The following PCM1 variants were observed in gnomAD, a reference collection of about 807,000 sequenced individuals.
The protein encoded by PCM1 is pericentriolar material 1 protein.
In PCM1, 157 loss-of-function variants were observed where a neutral mutation model predicts 241.9. The observed-to-expected ratio is 0.65, with a 90% CI of 0.57 to 0.74. PCM1 has a LOEUF of 0.74. Among genes scored for constraint, PCM1 ranks in the 30% least tolerant of loss-of-function variants. The probability of loss-of-function intolerance (pLI) is 0.00; values close to 1 mark genes in which losing one functional copy is unlikely to be tolerated. For synonymous variants in PCM1, 1,085 were observed against 784.9 expected, an observed-to-expected ratio of 1.38 and a Z score of -6.39; for missense variants, 3,478 against 2,360.1, an observed-to-expected ratio of 1.47 and a Z score of -9.81.
intron 28 of PCM1, 128 bp from the exon 29 acceptor site, chr8:17,993,355 A>T: frequency 1.7e-6 from 1 of 572,510 alleles, no homozygotes; most frequent in Non-Finnish European, 2.8e-6. Context: ...TTAAACTACA[A>T]ACATGTTTCT....
chr8:17,945,608 A>G (rs1414975309), intron 6 of PCM1, among the ~76,000 whole-genome samples: 1 of 152,168 alleles, frequency 6.6e-6, no homozygotes, highest in African/African-American at 2.4e-5. Context: ...TCACAGTGTA[A>G]AATATTACCA....
At chr8:18,007,300 C>T (rs2091598750) in intron 30 of PCM1, among the ~76,000 whole-genome samples, 1 of 151,958 alleles carries the variant, frequency 6.6e-6, no homozygotes, top group South Asian at 2.1e-4. Context: ...TTTTTTTAAA[C>T]CTTGGGCTTG....
chr8:18,011,543 TTC>T (rs1402597662), intron 33 of PCM1, 122 bp from the exon 34 acceptor site: 1 of 1,095,322 alleles, frequency 9.1e-7, no homozygotes, highest in Non-Finnish European at 1.3e-6. Flanking sequence ...TTTTAATACA[TTC>T]TGTTTGAGGA....
intron 2 of PCM1, chr8:17,928,099 A>G (rs2057710639): frequency 1.3e-5 from 2 of 152,186 alleles, no homozygotes; most frequent in African/African-American, 4.8e-5. Flanking sequence ...TAGTACTGTC[A>G]TCAATCACTT....
At chr8:17,929,485 T>C (rs1460129444) in intron 2 of PCM1, among the ~76,000 whole-genome samples, 1 of 152,354 alleles carries the variant, frequency 6.6e-6, no homozygotes, top group East Asian at 1.9e-4. Flanking sequence ...CGGACAATTT[T>C]ATTGGGTGTA....
chr8:17,949,875 A>G (rs558017216), intron 7 of PCM1, among the ~76,000 whole-genome samples: 19 of 152,356 alleles, frequency 1.2e-4, no homozygotes, highest in African/African-American at 4.3e-4. Context: ...AGTGACTATC[A>G]TGAAAATTGT....
At chr8:17,983,336 C>G in intron 24 of PCM1, 1 of 1,170,114 alleles carries the variant, frequency 8.5e-7, no homozygotes, top group Non-Finnish European at 1.1e-6. Context: ...TAATTTTTTC[C>G]CATTGGTCCT....
chr8:17,972,719 G>A (rs770207870), intron 23 of PCM1, 32 bp downstream of exon 23: 3 of 1,356,606 alleles, frequency 2.2e-6, no homozygotes, highest in East Asian at 2.5e-5. Flanking sequence ...ATGTTGATCA[G>A]TGTAAATTTT....
intron 15 of PCM1, among the ~76,000 whole-genome samples, chr8:17,960,775 C>T (rs757288827): frequency 2.5e-4 from 38 of 152,066 alleles, no homozygotes; most frequent in Non-Finnish European, 4.3e-4. Context: ...TCGCCCGTCT[C>T]AGCCTCCCAA....
chr8:17,956,448 C>G (rs755499949), intron 10 of PCM1, among the ~76,000 whole-genome samples, 156 bp from the exon 11 acceptor site: 2 of 152,150 alleles, frequency 1.3e-5, no homozygotes, highest in Non-Finnish European at 2.9e-5. Context: ...GCATTAACCT[C>G]ATTATTTTAC....
intron 1 of PCM1, 41 bp downstream of exon 1, chr8:17,923,229 G>C (rs2055203276): frequency 6.6e-6 from 1 of 152,518 alleles, no homozygotes; most frequent in Admixed American, 6.5e-5. Flanking sequence ...ACCTAGGGCG[G>C]CGCGCCCCAG....
chr8:17,958,282 C>G (rs1042932436), intron 13 of PCM1, among the ~76,000 whole-genome samples: 2 of 152,016 alleles, frequency 1.3e-5, no homozygotes, highest in Admixed American at 1.3e-4. Flanking sequence ...GATACCAGAG[C>G]CTGCGATCTT....
rs371113741 is a variant in PCM1, at chr8:17,985,600, G to C, written c.4262G>C (p.Arg1421Thr). The change falls in exon 25 of 39, where the codon AGG (arginine) becomes ACG (threonine). Residue 1421 changes from arginine (R) to threonine (T), a missense_variant. Arg to Thr is a moderately conservative substitution (Grantham distance 71, BLOSUM62 -1). Coordinates refer to ENST00000325083, the MANE Select transcript of PCM1 (RefSeq NM_006197.4). ...CTAAACACAGACTACTTGAGACAGAGGGCTTTATATGCATTGCAGGTATCT... is the reference window on the plus strand; with the variant it reads ...CTAAACACAGACTACTTGAGACAGACGGCTTTATATGCATTGCAGGTATCT... ...QLLNTDYLRQ[R>T]ALYALQDIVS... The C allele has an allele frequency of 7.5e-6, 12 of 1,606,530 alleles. No individual in the cohort carries two copies. Among genetic ancestry groups the C allele is most frequent in the African/African-American group, 2.7e-5 (2 of 74,752 alleles).
intron 20 of PCM1, 41 bp from the exon 21 acceptor site, chr8:17,966,939 A>G: frequency 1.3e-6 from 2 of 1,510,210 alleles, no homozygotes; most frequent in Non-Finnish European, 1.8e-6. Context: ...TATATATGGC[A>G]ATATAACTGA....
At chr8:17,976,512 A>G (rs1169330035) in intron 23 of PCM1, among the ~76,000 whole-genome samples, 1 of 152,218 alleles carries the variant, frequency 6.6e-6, no homozygotes, top group Non-Finnish European at 1.5e-5. Context: ...ACGTCCATCC[A>G]TATAGCAACT....
At chr8:17,978,790 A>G (rs1355479281) in intron 23 of PCM1, among the ~76,000 whole-genome samples, 1 of 152,216 alleles carries the variant, frequency 6.6e-6, no homozygotes, top group Non-Finnish European at 1.5e-5. Flanking sequence ...TATAAATTCA[A>G]AAGTAAAAAT....
intron 8 of PCM1, among the ~76,000 whole-genome samples, chr8:17,950,932 G>C (rs1468458981): frequency 1.3e-5 from 2 of 152,162 alleles, no homozygotes; most frequent in Non-Finnish European, 2.9e-5. Flanking sequence ...TGGTGGCCTG[G>C]GGACTATACT....
At chr8:17,955,868 C>T in intron 10 of PCM1, 1 of 556,060 alleles carries the variant, frequency 1.8e-6, no homozygotes, top group East Asian at 3.1e-5. Flanking sequence ...ACTGATGTTA[C>T]TTTCTTGTTT....
intron 23 of PCM1, among the ~76,000 whole-genome samples, chr8:17,977,106 T>G (rs1423703227): frequency 6.6e-6 from 1 of 152,238 alleles, no homozygotes; most frequent in African/African-American, 2.4e-5. Flanking sequence ...TATATAAATG[T>G]TCATGTTAGA....
Sources: gnomAD v4.1 joint callset for allele counts (sites outside exome capture counted in the v4.1 genomes callset) on GRCh38, gnomAD v4.1.1 for gene constraint, MANE v1.5 for transcripts, NCBI Gene and HGNC (gene_info 2026-07-23, HGNC 2026-07-21) for gene names.